Variants in ADAM12 observed in about 807,000 individuals in gnomAD.
ADAM12 encodes disintegrin and metalloproteinase domain-containing protein 12.
ADAM12 carries 70 observed loss-of-function variants against 106.4 expected under a neutral mutation model. The observed-to-expected ratio is 0.66, with a 90% CI of 0.54 to 0.80. ADAM12 has a LOEUF of 0.80. ADAM12 is among the 30% of genes least tolerant of loss of function. The pLI is 0.00. For missense variants in ADAM12, 1,010 were observed against 1,171.9 expected, an observed-to-expected ratio of 0.86 and a Z score of 2.02; for synonymous variants, 420 against 433.5, an observed-to-expected ratio of 0.97 and a Z score of 0.39.
At chr10:126,236,032 G>C (rs371369945) in intron 3 of ADAM12, among the ~76,000 whole-genome samples, 1 of 152,092 alleles carries the variant, frequency 6.6e-6, no homozygotes, top group Admixed American at 6.5e-5. Context: ...GGGCATCTTG[G>C]GCAGGCGCTG....
chr10:126,077,801 T>TC (rs1453858358), intron 11 of ADAM12, among the ~76,000 whole-genome samples: 22 of 152,100 alleles, frequency 1.4e-4, no homozygotes, highest in Non-Finnish European at 7.4e-5. Flanking sequence ...AAACCCTTAT[T>TC]CCCCCACCTT....
intron 3 of ADAM12, among the ~76,000 whole-genome samples, chr10:126,226,670 T>G (rs775830599): frequency 6.6e-6 from 1 of 152,196 alleles, no homozygotes; most frequent in South Asian, 2.1e-4. Context: ...GAAAAATGCA[T>G]GTAGAGAGCT....
At chr10:126,069,419 G>T (rs185851970) in intron 12 of ADAM12, among the ~76,000 whole-genome samples, 1 of 152,152 alleles carries the variant, frequency 6.6e-6, no homozygotes, top group Non-Finnish European at 1.5e-5. Context: ...GACCTTAACC[G>T]CAGAAATACA....
At chr10:126,106,257 A>G (rs1227439882) in intron 8 of ADAM12, among the ~76,000 whole-genome samples, 1 of 152,178 alleles carries the variant, frequency 6.6e-6, no homozygotes, top group East Asian at 1.9e-4. Context: ...CTCGTCCTGC[A>G]AATGAATAAC....
intron 3 of ADAM12, among the ~76,000 whole-genome samples, chr10:126,231,216 C>T (rs928506814): frequency 2.6e-5 from 4 of 152,112 alleles, no homozygotes; most frequent in African/African-American, 9.7e-5. Context: ...CAGAATAGTA[C>T]AGCCCATTAA....
intron 3 of ADAM12, among the ~76,000 whole-genome samples, chr10:126,233,415 G>A (rs1490389530): frequency 6.6e-6 from 1 of 152,156 alleles, no homozygotes; most frequent in Non-Finnish European, 1.5e-5. Flanking sequence ...GGGGGAGGAG[G>A]GTGTGCAAGT....
intron 3 of ADAM12, among the ~76,000 whole-genome samples, chr10:126,229,642 TC>T (rs796329534): frequency 1.9e-5 from 2 of 103,548 alleles, no homozygotes; most frequent in Admixed American, 1.2e-4. Flanking sequence ...CTCTTCCTCT[TC>T]CCCCCCACTG....
intron 3 of ADAM12, among the ~76,000 whole-genome samples, chr10:126,232,197 C>A (rs60986309): frequency 1.3e-3 from 199 of 151,762 alleles, no homozygotes; most frequent in African/African-American, 4.7e-3. Context: ...CTGGGTGGGC[C>A]CAACGTAACC....
chr10:126,282,680 A>G (rs1455064251), intron 2 of ADAM12, among the ~76,000 whole-genome samples: 2 of 152,144 alleles, frequency 1.3e-5, no homozygotes, highest in African/African-American at 4.8e-5. Flanking sequence ...GTAGTATTCT[A>G]TTGCACAAAC....
At chr10:126,375,742 C>CTTTTTTT (rs34064275) in intron 1 of ADAM12, among the ~76,000 whole-genome samples, 1 of 140,414 alleles carries the variant, frequency 7.1e-6, no homozygotes. Flanking sequence ...TCTTCTTCTT[C>CTTTTTTT]TTTTTTTTTT....
chr10:126,159,874 C>G (rs1590529194), intron 3 of ADAM12, among the ~76,000 whole-genome samples: 1 of 152,204 alleles, frequency 6.6e-6, no homozygotes, highest in Non-Finnish European at 1.5e-5. Flanking sequence ...AGAAATACAA[C>G]CACAGTCATG....
intron 2 of ADAM12, among the ~76,000 whole-genome samples, chr10:126,308,103 C>T (rs1024642858): frequency 5.9e-5 from 9 of 152,002 alleles, no homozygotes; most frequent in African/African-American, 2.2e-4. Flanking sequence ...AGGCTCAGTC[C>T]AAGCCTTAGT....
chr10:126,135,868 G>T (rs1956396061), intron 4 of ADAM12, among the ~76,000 whole-genome samples: 1 of 152,200 alleles, frequency 6.6e-6, no homozygotes, highest in South Asian at 2.1e-4. Context: ...ACCAACAGCG[G>T]TTTTTAAATG....
At chr10:126,359,979 T>C (rs894861936) in intron 1 of ADAM12, among the ~76,000 whole-genome samples, 5 of 152,234 alleles carry the variant, frequency 3.3e-5, no homozygotes, top group African/African-American at 1.2e-4. Context: ...AATTCTTGAC[T>C]TCTGTGTACC....
chr10:126,148,122 T>G (rs1956662827), intron 4 of ADAM12, among the ~76,000 whole-genome samples: 1 of 143,788 alleles, frequency 7.0e-6, no homozygotes, highest in South Asian at 2.2e-4. Flanking sequence ...TTTCATCCTG[T>G]CAGGACAGTC....
intron 3 of ADAM12, among the ~76,000 whole-genome samples, chr10:126,229,102 G>A (rs576215089): frequency 1.3e-5 from 2 of 152,336 alleles, no homozygotes; most frequent in Admixed American, 6.5e-5. Flanking sequence ...GGAGCCTGGG[G>A]ATTTCTTTAC....
intron 2 of ADAM12, among the ~76,000 whole-genome samples, chr10:126,291,810 T>C (rs1188442032): frequency 4.6e-5 from 7 of 152,128 alleles, no homozygotes; most frequent in Admixed American, 4.6e-4. Context: ...CTGGGGGTCA[T>C]CTGGCTGTGT....
intron 3 of ADAM12, among the ~76,000 whole-genome samples, chr10:126,251,219 T>A (rs531430037): frequency 6.6e-6 from 1 of 152,362 alleles, no homozygotes; most frequent in African/African-American, 2.4e-5. Flanking sequence ...TCGACCTTTC[T>A]GAGACCTGGT....
chr10:126,231,189 T>C (rs1958302502), intron 3 of ADAM12, among the ~76,000 whole-genome samples: 1 of 152,192 alleles, frequency 6.6e-6, no homozygotes, highest in Non-Finnish European at 1.5e-5. Context: ...TTCAATCTAC[T>C]AGAGGCCGAG....
Sources: allele counts gnomAD v4.1 joint callset (sites outside exome capture counted in the v4.1 genomes callset), GRCh38; gene constraint gnomAD v4.1.1; transcripts MANE v1.5; gene names NCBI Gene and HGNC (gene_info 2026-07-23, HGNC 2026-07-21).